The following SMC1A variants were observed in gnomAD, a reference collection of about 807,000 sequenced individuals.
SMC1A encodes structural maintenance of chromosomes protein 1A.
SMC1A carries 4 observed loss-of-function variants against 94.5 expected under a neutral mutation model. That is an observed-to-expected ratio of 0.04 (90% confidence interval 0.02 to 0.10). The LOEUF (loss-of-function observed/expected upper bound fraction) is 0.10. Ranked by LOEUF, SMC1A falls within the 10% of genes least tolerant of loss-of-function variation. The pLI, the probability that SMC1A is intolerant of heterozygous loss-of-function variation, is 1.00. For missense variants in SMC1A, 304 were observed against 989.0 expected (o/e 0.31, Z 9.29); for synonymous variants, 345 against 347.7 (o/e 0.99, Z 0.09).
chrX:53,417,399 A>C (rs2075736387), intron 1 of SMC1A, among the ~76,000 whole-genome samples: 1 of 108,726 alleles, frequency 9.2e-6, no homozygotes, highest in Non-Finnish European at 1.9e-5. Context: ...TAAAAATACA[A>C]AATTAGCTGG....
chrX:53,383,329 TGA>T (rs1385382131), intron 19 of SMC1A, 76 bp from the exon 20 acceptor site: 2 of 1,051,155 alleles, frequency 1.9e-6, no homozygotes, highest in Non-Finnish European at 2.6e-6. Flanking sequence ...GATGACTGAC[TGA>T]GTGTGGCCTG....
chrX:53,389,842 CT>C (rs1193457348), intron 19 of SMC1A, among the ~76,000 whole-genome samples: 552 of 55,060 alleles, frequency 0.01, 1 homozygote, highest in African/African-American at 0.031. Context: ...TCCAGAATTT[CT>C]TTTTTTTTTT....
chrX:53,380,313 C>A (rs781831574), intron 24 of SMC1A, 127 bp from the exon 25 acceptor site: 19 of 528,114 alleles, frequency 3.6e-5, no homozygotes, highest in Non-Finnish European at 6.3e-5. Flanking sequence ...GTCAATGGTT[C>A]TCTCTGGGTG....
rs1452915623 is a variant in SMC1A, at chrX:53,386,769, T to A, written c.2974-3516A>T. Among the ~76,000 whole-genome samples, 36 of 110,978 alleles carry A rather than the reference T, an allele frequency of 3.2e-4. No individual in the cohort carries two copies. In the Admixed American group the frequency reaches 3.5e-3, roughly 11 times the overall value. On this transcript the variant is annotated intron_variant, in intron 19 of 24. Transcript: ENST00000322213. Reference sequence around the variant, plus strand: ...CTCAAAATTAAAGCTGGAAAAAAAATCAAAATGCTAAAAAGAGTAATCCCT... The same window carrying A: ...CTCAAAATTAAAGCTGGAAAAAAAAACAAAATGCTAAAAAGAGTAATCCCT...
chrX:53,392,048 A>G (rs2075631443), intron 19 of SMC1A, among the ~76,000 whole-genome samples: 1 of 110,830 alleles, frequency 9.0e-6, no homozygotes, highest in Non-Finnish European at 1.9e-5. Flanking sequence ...CCTATAAAAG[A>G]TAAGGACTTA....
intron 19 of SMC1A, among the ~76,000 whole-genome samples, chrX:53,387,139 G>A (rs1007027123): frequency 3.6e-5 from 4 of 111,349 alleles, no homozygotes; most frequent in East Asian, 2.8e-4. Flanking sequence ...AGGACTACAG[G>A]CGCCTGCCAC....
intron 19 of SMC1A, among the ~76,000 whole-genome samples, chrX:53,389,405 G>A (rs932704162): frequency 3.3e-4 from 37 of 111,223 alleles, no homozygotes; most frequent in African/African-American, 1.2e-3. Flanking sequence ...GTGTGTTTGC[G>A]TGTGACCATC....
rs1389657310 is a variant in SMC1A at position 53,411,706 on chromosome X, C to CTA, written c.1254+53_1254+54dup. 4.3e-6 allele frequency: 5 copies of CTA among 1,169,866 alleles called. No homozygotes were observed. In the African/African-American group the frequency reaches 8.8e-5, roughly 21 times the overall value. ...TTATTTTGGATTTGGGATGCTCAAC[C>CTA]TATATATATCCTTTTCTGTGGACCA... On this transcript the variant is annotated intron_variant, in intron 7 of 24. Transcript: ENST00000322213.
In SMC1A at chrX:53,379,594, G is replaced by A. The variant is rs1174854414; in HGVS notation, c.*509C>T. On this transcript the variant is annotated 3_prime_UTR_variant, in exon 25 of 25. Transcript: ENST00000322213. ...AAATGAGTGAATGAAGGCAGTTTCA[G>A]GTAACTGCCTAAGACTCCTATGAGG... is the stretch of plus-strand genomic sequence containing the variant. 1 of 119,989 alleles carries A rather than the reference G, an allele frequency of 8.3e-6. No individual in the cohort carries two copies. The highest frequency in any genetic ancestry group is 2.5e-4 in the East Asian group (1 of 4,037). The allele number at this position is 119,989 out of a possible 1,213,427, so 9.9% of individuals were successfully genotyped here.
chrX:53,417,914 C>G (rs964696504), intron 1 of SMC1A, among the ~76,000 whole-genome samples: 9 of 111,934 alleles, frequency 8.0e-5, no homozygotes, highest in Non-Finnish European at 1.5e-4. Flanking sequence ...GCATAGGAAA[C>G]AAATATATGA....
intron 9 of SMC1A, among the ~76,000 whole-genome samples, chrX:53,406,877 T>C (rs1220919440): frequency 9.0e-6 from 1 of 111,393 alleles, no homozygotes; most frequent in Non-Finnish European, 1.9e-5. Flanking sequence ...TTTGTATTTT[T>C]AGTAGAGACG....
chrX:53,405,733 T>A, intron 10 of SMC1A, 38 bp downstream of exon 10: 1 of 1,208,230 alleles, frequency 8.3e-7, no homozygotes, highest in Non-Finnish European at 1.1e-6. Context: ...GGAGGGGCCC[T>A]TGAACACTGG....
rs2075664345 is a variant in SMC1A, at chrX:53,399,697, G to A, written c.2454C>T (p.Gly818=). ...GGTTCTTTTCAAAATCCAACTGAAT[G>A]CCCAAGCGAGTCTTCTGATTCTCAA... The part of the protein sequence containing the change: ...LEFENQKTRL[G]IQLDFEKNQL... The change falls in exon 16 of 25, where the codon GGC becomes GGT. Residue 818 remains glycine, a synonymous_variant. Coordinates refer to ENST00000322213, the MANE Select transcript of SMC1A (RefSeq NM_006306.4). 1.7e-6 allele frequency: 2 copies of A among 1,207,144 alleles called. No homozygotes were observed. The highest frequency in any genetic ancestry group is 3.5e-5 in the African/African-American group (2 of 56,954).
chrX:53,389,198 C>A (rs1431491335), intron 19 of SMC1A, among the ~76,000 whole-genome samples: 1 of 102,714 alleles, frequency 9.7e-6, no homozygotes, highest in African/African-American at 3.6e-5. Flanking sequence ...AGAATGTGAA[C>A]AATCCTTCAG....
At position 53,382,120 on chromosome X, in the gene SMC1A, C is replaced by T. The variant is rs2075585600; in HGVS notation, c.3437+112G>A. Reference sequence around the variant, plus strand: ...TAGATAGTGAAACAGGGATGCAATCCAGATTCCACCAAACCATCACCTTCG... The same window carrying T: ...TAGATAGTGAAACAGGGATGCAATCTAGATTCCACCAAACCATCACCTTCG... On this transcript the variant is annotated intron_variant, in intron 22 of 24. Transcript: ENST00000322213. The T allele has an allele frequency of 4.0e-5, 37 of 934,882 alleles. No individual in the cohort carries two copies. In the South Asian group the frequency reaches 6.2e-4, roughly 16 times the overall value. 77.0% of individuals were successfully genotyped at this position (934,882 alleles called of 1,213,427 possible). A position where few individuals can be genotyped will look rare whatever the true frequency, so the allele number is the denominator to read the frequency against.
At position 53,377,595 on chromosome X, in the gene SMC1A, A is replaced by G. The variant is rs1435469193; in HGVS notation, c.*2508T>C. The stretch of plus-strand genomic sequence containing the variant: ...AGCCAAGGTTGATAACCACCTGTAC[A>G]GTGGAGAAAGCACTTGAATGACTTG... On this transcript the variant is annotated 3_prime_UTR_variant, in exon 25 of 25. Transcript: ENST00000322213. The G allele has an allele frequency of 2.7e-5, 3 of 112,249 alleles. No individual in the cohort carries two copies. Among genetic ancestry groups the G allele is most frequent in the Non-Finnish European group, 5.6e-5 (3 of 53,297 alleles). 9.3% of individuals were successfully genotyped at this position (112,249 alleles called of 1,213,427 possible). A position where few individuals can be genotyped will look rare whatever the true frequency, so the allele number is the denominator to read the frequency against.
intron 19 of SMC1A, among the ~76,000 whole-genome samples, chrX:53,392,340 C>T (rs1285678797): frequency 4.7e-5 from 5 of 107,476 alleles, no homozygotes; most frequent in Non-Finnish European, 7.7e-5. Context: ...TGCAGTGAGC[C>T]GAGACCACGC....
At chrX:53,415,967 T>C (rs1359305833) in intron 1 of SMC1A, among the ~76,000 whole-genome samples, 5 of 109,184 alleles carry the variant, frequency 4.6e-5, no homozygotes, top group African/African-American at 1.0e-4. Flanking sequence ...AAGCCCACAA[T>C]AGGTGAAACA....
Position 53,379,771 on chromosome X carries a change from A to T in SMC1A, c.*332T>A, listed in dbSNP as rs2075574853. On this transcript the variant is annotated 3_prime_UTR_variant, in exon 25 of 25. Transcript: ENST00000322213. ...CACACATGCGGATACATACATACAC[A>T]CATACATACCCACACACACAGTGGG... 1 of 350,192 alleles carries T rather than the reference A, an allele frequency of 2.9e-6. No individual in the cohort carries two copies. Among genetic ancestry groups the T allele is most frequent in the African/African-American group, 2.6e-5 (1 of 38,953 alleles). The allele number at this position is 350,192 out of a possible 1,213,427, so 28.9% of individuals were successfully genotyped here.
Sources: allele counts gnomAD v4.1 joint callset (sites outside exome capture counted in the v4.1 genomes callset), GRCh38; gene constraint gnomAD v4.1.1; transcripts MANE v1.5; gene names NCBI Gene and HGNC (gene_info 2026-07-23, HGNC 2026-07-21).